CERS6: variants seen among roughly 807,000 people sequenced by gnomAD.
CERS6 encodes LAG1 homolog, ceramide synthase 6.
CERS6 carries 26 observed loss-of-function variants against 56.8 expected under a neutral mutation model. That is an observed-to-expected ratio of 0.46 (90% confidence interval 0.34 to 0.63). The LOEUF is 0.63. Among genes scored for constraint, CERS6 ranks in the 30% least tolerant of loss-of-function variants. The pLI, the probability that CERS6 is intolerant of heterozygous loss-of-function variation, is 0.01. For missense variants in CERS6, 415 were observed against 467.5 expected, an observed-to-expected ratio of 0.89 and a Z score of 1.04; for synonymous variants, 164 against 173.3, an observed-to-expected ratio of 0.95 and a Z score of 0.42.
intron 1 of CERS6, among the ~76,000 whole-genome samples, chr2:168,500,620 G>A (rs1558973727): frequency 6.6e-6 from 1 of 152,182 alleles, no homozygotes; most frequent in African/African-American, 2.4e-5. Flanking sequence ...GGCTGTTAAT[G>A]CCATAAGAGC....
At chr2:168,538,732 G>A (rs935270935) in intron 1 of CERS6, among the ~76,000 whole-genome samples, 1 of 152,166 alleles carries the variant, frequency 6.6e-6, no homozygotes, top group African/African-American at 2.4e-5. Context: ...CATAATAGAT[G>A]CTCACTGAGT....
chr2:168,586,156 G>C (rs921467078), intron 3 of CERS6, among the ~76,000 whole-genome samples: 1 of 146,462 alleles, frequency 6.8e-6, no homozygotes, highest in South Asian at 2.2e-4. Context: ...GCTAATTTTT[G>C]TATTTTTTTT....
intron 1 of CERS6, among the ~76,000 whole-genome samples, chr2:168,493,177 T>C (rs1694404073): frequency 6.6e-6 from 1 of 152,202 alleles, no homozygotes; most frequent in Non-Finnish European, 1.5e-5. Context: ...CATTCCATTT[T>C]CCTTATTGTA....
chr2:168,486,020 TTTTG>T (rs1239872712), intron 1 of CERS6, among the ~76,000 whole-genome samples: 1 of 152,210 alleles, frequency 6.6e-6, no homozygotes, highest in Non-Finnish European at 1.5e-5. Flanking sequence ...CACCAGCATT[TTTTG>T]TTTTAGTATT....
At chr2:168,708,794 A>C (rs1687020238) in intron 6 of CERS6, among the ~76,000 whole-genome samples, 1 of 152,142 alleles carries the variant, frequency 6.6e-6, no homozygotes, top group African/African-American at 2.4e-5. Context: ...TCCCTTTATA[A>C]AGAGGTTCAC....
At chr2:168,620,014 T>TACACACACACACACAC (rs1160024194) in intron 3 of CERS6, among the ~76,000 whole-genome samples, 9 of 61,264 alleles carry the variant, frequency 1.5e-4, no homozygotes, top group African/African-American at 3.9e-4. Context: ...CCACAATCCA[T>TACACACACACACACAC]ACACACACAC....
At chr2:168,627,115 A>G (rs1164425278) in intron 3 of CERS6, among the ~76,000 whole-genome samples, 1 of 152,218 alleles carries the variant, frequency 6.6e-6, no homozygotes, top group Non-Finnish European at 1.5e-5. Flanking sequence ...TGTTATCAAA[A>G]GAAGTCTTTT....
chr2:168,641,359 A>G (rs1685041381), intron 4 of CERS6, among the ~76,000 whole-genome samples: 2 of 152,216 alleles, frequency 1.3e-5, no homozygotes, highest in Non-Finnish European at 2.9e-5. Context: ...TGCACGGAAC[A>G]AAGTCCCCAG....
intron 1 of CERS6, among the ~76,000 whole-genome samples, chr2:168,527,418 G>A (rs1358030081): frequency 6.6e-6 from 1 of 152,164 alleles, no homozygotes; most frequent in African/African-American, 2.4e-5. Flanking sequence ...CCTTCTTGGT[G>A]TTGTACATTC....
At chr2:168,498,998 GGGT>G in intron 1 of CERS6, among the ~76,000 whole-genome samples, 1 of 152,296 alleles carries the variant, frequency 6.6e-6, no homozygotes, top group Non-Finnish European at 1.5e-5. Flanking sequence ...CCATTCAGTA[GGGT>G]GGTGGCTTAG....
At chr2:168,658,666 A>G (rs1047915971) in intron 4 of CERS6, among the ~76,000 whole-genome samples, 13 of 152,246 alleles carry the variant, frequency 8.5e-5, no homozygotes, top group African/African-American at 1.7e-4. Flanking sequence ...TTGACTGGCA[A>G]TATGCTAAAA....
intron 4 of CERS6, among the ~76,000 whole-genome samples, chr2:168,653,211 G>A (rs1161400836): frequency 2.0e-5 from 3 of 152,178 alleles, no homozygotes; most frequent in Non-Finnish European, 2.9e-5. Context: ...CTGACTTTGT[G>A]TTTGTAAATG....
intron 1 of CERS6, among the ~76,000 whole-genome samples, chr2:168,486,797 T>A (rs1012757466): frequency 2.0e-5 from 3 of 152,158 alleles, no homozygotes; most frequent in Non-Finnish European, 4.4e-5. Context: ...GTTTGTGTAG[T>A]TAGCATTTCA....
chr2:168,666,720 G>T (rs74774742), intron 4 of CERS6, among the ~76,000 whole-genome samples: 1 of 152,178 alleles, frequency 6.6e-6, no homozygotes, highest in Non-Finnish European at 1.5e-5. Context: ...CCTGCATTGA[G>T]AACCCACATT....
chr2:168,607,664 G>A (rs373045738), intron 3 of CERS6, among the ~76,000 whole-genome samples: 11 of 152,336 alleles, frequency 7.2e-5, no homozygotes, highest in African/African-American at 2.4e-4. Flanking sequence ...ACAGGCGTGA[G>A]CCACTGTGCC....
chr2:168,607,215 C>G (rs1684073066), intron 3 of CERS6, among the ~76,000 whole-genome samples: 1 of 151,992 alleles, frequency 6.6e-6, no homozygotes, highest in Non-Finnish European at 1.5e-5. Flanking sequence ...TGCACAAATC[C>G]TAAAATGTTT....
chr2:168,513,558 TG>T (rs1348580613), intron 1 of CERS6, among the ~76,000 whole-genome samples: 1 of 152,142 alleles, frequency 6.6e-6, no homozygotes, highest in Non-Finnish European at 1.5e-5. Flanking sequence ...ACTCAGATCA[TG>T]GGTTTGGGGA....
At chr2:168,570,397 A>G (rs1374951568) in intron 3 of CERS6, among the ~76,000 whole-genome samples, 1 of 152,182 alleles carries the variant, frequency 6.6e-6, no homozygotes, top group Non-Finnish European at 1.5e-5. Context: ...GAAGCACCAC[A>G]TGAGAAATGT....
At chr2:168,764,105 G>A (rs9287901) in intron 8 of CERS6, among the ~76,000 whole-genome samples, 107,788 of 152,054 alleles carry the variant, frequency 0.71, 38,583 homozygotes, top group African/African-American at 0.77. Context: ...ATACTCTTAC[G>A]TACTCTTAAA....
Sources: allele counts gnomAD v4.1 joint callset (sites outside exome capture counted in the v4.1 genomes callset), GRCh38; gene constraint gnomAD v4.1.1; transcripts MANE v1.5; gene names NCBI Gene and HGNC (gene_info 2026-07-23, HGNC 2026-07-21).